NSMCE2: variants seen among roughly 807,000 people sequenced by gnomAD.
NSMCE2 encodes E3 SUMO-protein ligase NSE2.
A neutral mutation model predicts 23.8 loss-of-function variants in NSMCE2; 24 were observed. That is an observed-to-expected ratio of 1.01 (90% CI 0.73 to 1.42). NSMCE2 has a LOEUF of 1.42. Ranked by LOEUF, NSMCE2 falls within the 40% of genes most tolerant of loss-of-function variation. The pLI is 0.00. For missense variants in NSMCE2, 284 were observed against 296.5 expected, an observed-to-expected ratio of 0.96 and a Z score of 0.31; for synonymous variants, 92 against 94.1, an observed-to-expected ratio of 0.98 and a Z score of 0.13.
chr8:125,229,777 A>G (rs1345842396), intron 5 of NSMCE2, among the ~76,000 whole-genome samples: 1 of 152,080 alleles, frequency 6.6e-6, no homozygotes, highest in African/African-American at 2.4e-5. Flanking sequence ...TGATTGTTTT[A>G]GTGTTTTATT....
intron 5 of NSMCE2, among the ~76,000 whole-genome samples, chr8:125,330,880 A>G (rs1829849060): frequency 6.6e-6 from 1 of 152,186 alleles, no homozygotes; most frequent in Non-Finnish European, 1.5e-5. Flanking sequence ...AGCTCCTTTC[A>G]GTTTTAATGT....
chr8:125,239,310 T>C (rs535569317), intron 5 of NSMCE2, among the ~76,000 whole-genome samples: 1 of 152,134 alleles, frequency 6.6e-6, no homozygotes, highest in Non-Finnish European at 1.5e-5. Context: ...TACAAAAAAA[T>C]AGCATTTTAA....
At chr8:125,348,814 C>T (rs959099175) in intron 5 of NSMCE2, 2 of 151,918 alleles carry the variant, frequency 1.3e-5, no homozygotes, top group African/African-American at 2.4e-5. Flanking sequence ...TAAATATTAC[C>T]CAGTCTTGGA....
intron 5 of NSMCE2, among the ~76,000 whole-genome samples, chr8:125,281,671 C>G (rs552492556): frequency 6.6e-6 from 1 of 152,056 alleles, no homozygotes; most frequent in East Asian, 1.9e-4. Flanking sequence ...AACTCCTGGC[C>G]TCAAGCAATC....
intron 5 of NSMCE2, among the ~76,000 whole-genome samples, chr8:125,209,267 G>A (rs1357848069): frequency 6.6e-6 from 1 of 152,218 alleles, no homozygotes; most frequent in Non-Finnish European, 1.5e-5. Flanking sequence ...GTGTATCTCT[G>A]CTGACGAAGA....
intron 5 of NSMCE2, among the ~76,000 whole-genome samples, chr8:125,299,804 CTTTTTTT>C (rs58789139): frequency 0.011 from 791 of 70,176 alleles, 2 homozygotes; most frequent in Admixed American, 0.014. Flanking sequence ...TTTTGGCTTT[CTTTTTTT>C]TTTTTTTTTT....
intron 3 of NSMCE2, among the ~76,000 whole-genome samples, chr8:125,119,792 A>T (rs752422887): frequency 2.0e-5 from 3 of 152,178 alleles, no homozygotes; most frequent in Non-Finnish European, 4.4e-5. Context: ...CAACTTGATT[A>T]TTCTAGAGAA....
intron 5 of NSMCE2, among the ~76,000 whole-genome samples, chr8:125,288,014 CAG>C (rs1032042420): frequency 6.6e-6 from 1 of 152,142 alleles, no homozygotes; most frequent in African/African-American, 2.4e-5. Flanking sequence ...CTTGTGGAGA[CAG>C]GGTCTCGGTA....
chr8:125,130,978 G>A (rs879392936), intron 3 of NSMCE2, among the ~76,000 whole-genome samples: 2 of 152,156 alleles, frequency 1.3e-5, no homozygotes, highest in African/African-American at 4.8e-5. Flanking sequence ...TAGGGTTTAC[G>A]GACAGTTCTT....
chr8:125,123,920 C>T (rs1819387351), intron 3 of NSMCE2, among the ~76,000 whole-genome samples: 1 of 151,922 alleles, frequency 6.6e-6, no homozygotes, highest in South Asian at 2.1e-4. Context: ...TATGATTCAC[C>T]CATTTAAAAT....
chr8:125,173,512 C>T (rs1462291187), intron 4 of NSMCE2, among the ~76,000 whole-genome samples: 1 of 152,146 alleles, frequency 6.6e-6, no homozygotes, highest in Non-Finnish European at 1.5e-5. Flanking sequence ...GAAAGATGAT[C>T]TTCTAGATGA....
At chr8:125,278,873 C>T (rs908963555) in intron 5 of NSMCE2, among the ~76,000 whole-genome samples, 13 of 151,600 alleles carry the variant, frequency 8.6e-5, no homozygotes, top group African/African-American at 3.2e-4. Context: ...GATTATCTTC[C>T]TATTATCTAG....
intron 5 of NSMCE2, among the ~76,000 whole-genome samples, chr8:125,293,119 T>A (rs1177465445): frequency 6.6e-6 from 1 of 152,196 alleles, no homozygotes; most frequent in Non-Finnish European, 1.5e-5. Context: ...TATACAACAA[T>A]AATAGCTTAC....
chr8:125,190,205 G>C (rs922241422), intron 5 of NSMCE2, among the ~76,000 whole-genome samples: 1 of 152,158 alleles, frequency 6.6e-6, no homozygotes, highest in African/African-American at 2.4e-5. Context: ...GTCAGCATCT[G>C]TCTGACTCTT....
At chr8:125,150,110 T>G (rs1820914920) in intron 3 of NSMCE2, among the ~76,000 whole-genome samples, 1 of 151,656 alleles carries the variant, frequency 6.6e-6, no homozygotes, top group Non-Finnish European at 1.5e-5. Flanking sequence ...TATGGCCAGT[T>G]TTTCTGAAAA....
intron 3 of NSMCE2, among the ~76,000 whole-genome samples, chr8:125,145,839 C>T (rs1395889217): frequency 2.0e-5 from 3 of 152,132 alleles, no homozygotes; most frequent in African/African-American, 7.2e-5. Context: ...TCTGTTGCTG[C>T]CGGTGCTCTT....
rs2131035957 is a variant in NSMCE2 at position 125,257,589 on chromosome 8, A to G, written c.418+75333A>G. Among the ~76,000 whole-genome samples, 2 of 127,238 alleles carry G rather than the reference A, an allele frequency of 1.6e-5. 1 individual carries two copies. Among genetic ancestry groups the G allele is most frequent in the South Asian group, 5.2e-4 (2 of 3,842 alleles). 83.5% of individuals were successfully genotyped at this position (127,238 alleles called of 152,430 possible). On this transcript the variant is annotated intron_variant, in intron 5 of 7. Coordinates refer to ENST00000287437, the MANE Select transcript of NSMCE2 (RefSeq NM_173685.4). ...CGCTCTGTCGCCCAGGCTGGAGTGC[A>G]GTGGCGCGATCTCAGCTCACTGCAA...
chr8:125,292,635 C>G (rs1054527579), intron 5 of NSMCE2, among the ~76,000 whole-genome samples: 1 of 152,016 alleles, frequency 6.6e-6, no homozygotes, highest in Non-Finnish European at 1.5e-5. Context: ...AATTTTGTTG[C>G]CAAAATTTGA....
intron 5 of NSMCE2, among the ~76,000 whole-genome samples, chr8:125,284,667 C>T (rs909160474): frequency 6.6e-6 from 1 of 152,210 alleles, no homozygotes; most frequent in Non-Finnish European, 1.5e-5. Context: ...TACAGCATTT[C>T]TGCACCATGT....
Sources: gnomAD v4.1 joint callset for allele counts (sites outside exome capture counted in the v4.1 genomes callset) on GRCh38, gnomAD v4.1.1 for gene constraint, MANE v1.5 for transcripts, NCBI Gene and HGNC (gene_info 2026-07-23, HGNC 2026-07-21) for gene names.